The following ASF1A variants were observed in gnomAD, a reference collection of about 807,000 sequenced individuals.
The protein encoded by ASF1A is anti-silencing function 1A histone chaperone, also known as histone chaperone ASF1A.
In ASF1A, 5 loss-of-function variants were observed where a neutral mutation model predicts 22.0. The observed-to-expected ratio is 0.23, with a 90% confidence interval of 0.12 to 0.48. The LOEUF is 0.48. Ranked by LOEUF, ASF1A falls within the 20% of genes least tolerant of loss-of-function variation. ASF1A has a pLI of 0.99. For synonymous variants in ASF1A, 97 were observed against 86.7 expected, an observed-to-expected ratio of 1.12 and a Z score of -0.66; for missense variants, 137 against 240.6, an observed-to-expected ratio of 0.57 and a Z score of 2.85.
intron 3 of ASF1A, 33 bp downstream of exon 3, chr6:118,905,861 T>C (rs1476809412): frequency 6.7e-7 from 1 of 1,481,496 alleles, no homozygotes; most frequent in Non-Finnish European, 9.1e-7. Flanking sequence ...TTAACTACTT[T>C]TACTATGCAA....
At chr6:118,898,142 T>C (rs1373312529) in intron 1 of ASF1A, among the ~76,000 whole-genome samples, 1 of 152,180 alleles carries the variant, frequency 6.6e-6, no homozygotes, top group East Asian at 1.9e-4. Context: ...GATGTACAAA[T>C]TATGAATTTG....
chr6:118,898,425 ATTTTTTTT>A (rs34394511), intron 1 of ASF1A, among the ~76,000 whole-genome samples: 1 of 140,524 alleles, frequency 7.1e-6, no homozygotes, highest in African/African-American at 2.7e-5. Context: ...TTATGTAATA[ATTTTTTTT>A]TTTTTTTTTT....
intron 1 of ASF1A, among the ~76,000 whole-genome samples, chr6:118,895,244 C>G (rs993671477): frequency 2.0e-5 from 3 of 151,990 alleles, no homozygotes; most frequent in Non-Finnish European, 2.9e-5. Context: ...GGGTCCTGTT[C>G]GGCCGGTCCT....
intron 1 of ASF1A, among the ~76,000 whole-genome samples, chr6:118,898,774 A>G (rs748784479): frequency 2.0e-5 from 3 of 152,166 alleles, no homozygotes; most frequent in Admixed American, 6.5e-5. Context: ...TACCTTTCAC[A>G]TCACTTTCTT....
rs1780347336 is a variant in ASF1A at position 118,908,894 on chromosome 6, A to C, written c.*1280A>C. 6.6e-6 allele frequency: 1 copy of C among 152,644 alleles called. No individual in the cohort carries two copies. Among genetic ancestry groups the C allele is most frequent in the Non-Finnish European group, 1.5e-5 (1 of 68,030 alleles). The allele number at this position is 152,644 out of a possible 1,614,324, so 9.5% of individuals were successfully genotyped here. A position where few individuals can be genotyped will look rare whatever the true frequency, so the allele number is the denominator to read the frequency against. On this transcript the variant is annotated 3_prime_UTR_variant, in exon 4 of 4. Transcript: ENST00000229595. The stretch of plus-strand genomic sequence containing the variant: ...TTTTTAAAGCTTTTATGTTGAGGAA[A>C]GGAAAAGGGCATTTGTCTAAACATG...
At chr6:118,901,702 ACCAAAGAGTAACTAGC>A (rs1779807295) in intron 2 of ASF1A, among the ~76,000 whole-genome samples, 1 of 152,218 alleles carries the variant, frequency 6.6e-6, no homozygotes, top group African/African-American at 2.4e-5. Flanking sequence ...TTTGTAATAG[ACCAAAGAGTAACTAGC>A]CATAGGTTTT....
chr6:118,897,520 T>C (rs903155487), intron 1 of ASF1A, among the ~76,000 whole-genome samples: 14 of 152,140 alleles, frequency 9.2e-5, no homozygotes, highest in African/African-American at 3.4e-4. Flanking sequence ...TGGTGCTTCA[T>C]ACTTTCCAAC....
intron 1 of ASF1A, among the ~76,000 whole-genome samples, chr6:118,898,242 T>C (rs969320352): frequency 2.0e-5 from 3 of 152,150 alleles, no homozygotes; most frequent in Non-Finnish European, 4.4e-5. Context: ...GTTTAAACAA[T>C]AGGTATGAAG....
chr6:118,894,916 G>A (rs1419114538), intron 1 of ASF1A, among the ~76,000 whole-genome samples: 2 of 152,096 alleles, frequency 1.3e-5, no homozygotes, highest in Non-Finnish European at 2.9e-5. Context: ...GGGAGAGGCT[G>A]TGCGTGTGGT....
At position 118,908,883 on chromosome 6, in the gene ASF1A, A is replaced by AT. The variant is rs1780346140; in HGVS notation, c.*1270dup. ...TTATACTGCACTTTTTAAAGCTTTT[A>AT]TGTTGAGGAAAGGAAAAGGGCATTT... On this transcript the variant is annotated 3_prime_UTR_variant, in exon 4 of 4. Transcript: ENST00000229595. 6.6e-6 allele frequency: 1 copy of AT among 152,600 alleles called. No individual in the cohort carries two copies. The highest frequency in any genetic ancestry group is 2.1e-4 in the South Asian group (1 of 4,834). The allele number at this position is 152,600 out of a possible 1,614,324, so 9.5% of individuals were successfully genotyped here.
At chr6:118,901,270 GTAA>G in intron 2 of ASF1A, among the ~76,000 whole-genome samples, 1 of 152,166 alleles carries the variant, frequency 6.6e-6, no homozygotes, top group Non-Finnish European at 1.5e-5. Flanking sequence ...GGCATTGTTA[GTAA>G]TATGCATCTT....
At chr6:118,902,464 C>T (rs1381265795) in intron 2 of ASF1A, among the ~76,000 whole-genome samples, 2 of 151,858 alleles carry the variant, frequency 1.3e-5, no homozygotes, top group East Asian at 3.9e-4. Flanking sequence ...GCCTAAGGAA[C>T]CCATACTTTA....
At chr6:118,903,636 TAC>T (rs1257047858) in intron 2 of ASF1A, among the ~76,000 whole-genome samples, 4 of 152,242 alleles carry the variant, frequency 2.6e-5, no homozygotes, top group African/African-American at 9.6e-5. Flanking sequence ...TCACTGAGAA[TAC>T]ACTCGATGTA....
intron 1 of ASF1A, among the ~76,000 whole-genome samples, 156 bp downstream of exon 1, chr6:118,894,678 C>A (rs900922553): frequency 3.9e-5 from 6 of 152,172 alleles, no homozygotes; most frequent in Admixed American, 3.9e-4. Context: ...CGACGGCCGC[C>A]GAGGCGCGCG....
chr6:118,894,476 G>C lies in ASF1A; in HGVS notation c.63G>C (p.Pro21=). ...ATAACCCTTCTCCTTTCTACAACCC[G>C]TTCCAGTTCGAGATCACCTTCGAGT... ...VLDNPSPFYN[P]FQFEITFECI... Residue 21 remains proline, a synonymous_variant, in exon 1 of 4, where the codon CCG becomes CCC. Transcript: ENST00000229595. The C allele has an allele frequency of 6.5e-7, 1 of 1,537,162 alleles. No individual in the cohort carries two copies. Among genetic ancestry groups the C allele is most frequent in the Non-Finnish European group, 8.7e-7 (1 of 1,146,822 alleles).
At chr6:118,900,026 G>A (rs747322883) in intron 1 of ASF1A, among the ~76,000 whole-genome samples, 3 of 152,194 alleles carry the variant, frequency 2.0e-5, no homozygotes, top group African/African-American at 4.8e-5. Context: ...AGTAAAATCC[G>A]CTATATTGAA....
At chr6:118,897,138 A>G (rs981577534) in intron 1 of ASF1A, among the ~76,000 whole-genome samples, 1 of 152,142 alleles carries the variant, frequency 6.6e-6, no homozygotes, top group African/African-American at 2.4e-5. Flanking sequence ...CACCCAGCCC[A>G]AACTATAGAA....
intron 1 of ASF1A, among the ~76,000 whole-genome samples, chr6:118,900,168 G>C (rs1463487775): frequency 2.1e-5 from 3 of 145,800 alleles, no homozygotes; most frequent in Admixed American, 6.9e-5. Context: ...TATGACACAG[G>C]GGGGTGCCGT....
intron 2 of ASF1A, among the ~76,000 whole-genome samples, chr6:118,901,773 A>T (rs1779812158): frequency 6.6e-6 from 1 of 152,204 alleles, no homozygotes; most frequent in Non-Finnish European, 1.5e-5. Context: ...CAACCCAGCA[A>T]TGTCCCATCA....
Sources: gnomAD v4.1 joint callset for allele counts (sites outside exome capture counted in the v4.1 genomes callset) on GRCh38, gnomAD v4.1.1 for gene constraint, MANE v1.5 for transcripts, NCBI Gene and HGNC (gene_info 2026-07-23, HGNC 2026-07-21) for gene names.